AFF3: variants seen among roughly 807,000 people sequenced by gnomAD.
AFF3 encodes ALF transcription elongation factor 3, also known as AF4/FMR2 family member 3.
In AFF3, 32 loss-of-function variants were observed where a neutral mutation model predicts 129.7. The observed-to-expected ratio is 0.25, with a 90% CI of 0.19 to 0.33. The LOEUF (loss-of-function observed/expected upper bound fraction) is 0.33. AFF3 is among the 10% of genes least tolerant of loss of function. AFF3 has a pLI of 1.00. For synonymous variants in AFF3, 644 were observed against 635.4 expected (o/e 1.01, Z -0.20); for missense variants, 1,373 against 1,592.0 (o/e 0.86, Z 2.34).
At chr2:99,708,431 G>A (rs954130034) in intron 11 of AFF3, among the ~76,000 whole-genome samples, 2 of 152,090 alleles carry the variant, frequency 1.3e-5, no homozygotes, top group Non-Finnish European at 2.9e-5. Flanking sequence ...TCCATCCCAG[G>A]TTTCAGGTCT....
chr2:99,893,078 T>C (rs1693691374), intron 7 of AFF3, among the ~76,000 whole-genome samples: 1 of 152,168 alleles, frequency 6.6e-6, no homozygotes, highest in African/African-American at 2.4e-5. Flanking sequence ...CAGATCATTC[T>C]GTGCCCATGA....
intron 2 of AFF3, among the ~76,000 whole-genome samples, chr2:100,119,942 C>G (rs541020762): frequency 4.5e-4 from 68 of 152,306 alleles, no homozygotes; most frequent in African/African-American, 1.5e-3. Context: ...GAGTAGATTA[C>G]GCTTCTAAAG....
At chr2:99,603,903 T>C (rs1397685165) in intron 13 of AFF3, among the ~76,000 whole-genome samples, 2 of 152,144 alleles carry the variant, frequency 1.3e-5, no homozygotes, top group African/African-American at 4.8e-5. Context: ...ATCAGAGAAA[T>C]GCAAATCAAA....
In AFF3 at chr2:99,950,825, C is replaced by T. The variant is rs982279687; in HGVS notation, c.873+55807G>A. ...TGACAAACTCTTGAGAAGCTGAAAA[C>T]GTACTTCCTATGACAAATAAAATCC... is the stretch of plus-strand genomic sequence containing the variant. On this transcript the variant is annotated intron_variant, in intron 7 of 24. Transcript: ENST00000672756. Among the ~76,000 whole-genome samples, 3 of 152,260 alleles carry T rather than the reference C, an allele frequency of 2.0e-5. No individual in the cohort carries two copies. In the South Asian group the frequency reaches 6.2e-4, roughly 32 times the overall value.
chr2:99,716,280 T>C (rs556154049), intron 11 of AFF3, among the ~76,000 whole-genome samples: 1 of 152,314 alleles, frequency 6.6e-6, no homozygotes, highest in South Asian at 2.1e-4. Flanking sequence ...CTTGATCTTC[T>C]TGAGATGGTT....
intron 7 of AFF3, among the ~76,000 whole-genome samples, chr2:99,937,555 C>T (rs564348146): frequency 1.3e-5 from 2 of 152,244 alleles, no homozygotes; most frequent in South Asian, 2.1e-4. Context: ...CCTGCTACCA[C>T]GCCCAGCTAA....
intron 13 of AFF3, among the ~76,000 whole-genome samples, chr2:99,608,448 C>T (rs1043475287): frequency 1.3e-5 from 2 of 152,080 alleles, no homozygotes; most frequent in African/African-American, 4.8e-5. Flanking sequence ...TTTTTCTGTT[C>T]CCTTGGGAAT....
intron 7 of AFF3, among the ~76,000 whole-genome samples, chr2:99,958,877 T>C (rs1189957652): frequency 2.6e-5 from 4 of 151,320 alleles, no homozygotes; most frequent in Admixed American, 2.6e-4. Flanking sequence ...CTTTGGGAGG[T>C]TGAGGCAGGA....
At chr2:100,058,028 C>A (rs1248968566) in intron 4 of AFF3, among the ~76,000 whole-genome samples, 5 of 151,878 alleles carry the variant, frequency 3.3e-5, no homozygotes, top group African/African-American at 1.2e-4. Flanking sequence ...AAGGACTGAC[C>A]CAAGGCATAT....
intron 7 of AFF3, among the ~76,000 whole-genome samples, chr2:99,932,387 T>A (rs917643492): frequency 6.6e-6 from 1 of 152,196 alleles, no homozygotes; most frequent in Admixed American, 6.5e-5. Flanking sequence ...AAGCTATTTC[T>A]CCTCATTCCA....
chr2:99,947,653 T>TAGATAGATAGATAGATAGAC, intron 7 of AFF3, among the ~76,000 whole-genome samples: 1 of 123,284 alleles, frequency 8.1e-6, no homozygotes, highest in Admixed American at 8.4e-5. Context: ...GATAGATAGA[T>TAGATAGATAGATAGATAGAC]AGACAGACAG....
chr2:100,117,385 G>A lies in AFF3; in HGVS notation c.-144-11802C>T, dbSNP rs552111118. On this transcript the variant is annotated intron_variant, in intron 2 of 24. Coordinates refer to ENST00000672756, the MANE Select transcript of AFF3 (RefSeq NM_001386135.1). ...TTCTAATGTGTCTTCCAGTCAACTA[G>A]TTTCTTCTTCAGCTTTATGTCATCT... 2.0e-5 allele frequency among the ~76,000 whole-genome samples: 3 copies of A among 152,246 alleles called. No individual in the cohort carries two copies. The South Asian group carries it at 6.2e-4, about 32-fold the overall frequency.
At position 99,584,243 on chromosome 2, in the gene AFF3, G is replaced by A. The variant is rs183257727; in HGVS notation, c.2592-1244C>T. ...AGCACTTTGGGAGGCCAAGGTGGGC[G>A]TATCACTTGAGGTCGGGAGTTCGAG... On this transcript the variant is annotated intron_variant, in intron 16 of 24. Coordinates refer to ENST00000672756, the MANE Select transcript of AFF3 (RefSeq NM_001386135.1). 7.8e-3 allele frequency among the ~76,000 whole-genome samples: 1,179 copies of A among 151,616 alleles called. 9 individuals carry two copies. The highest frequency in any genetic ancestry group is 0.026 in the African/African-American group (1,078 of 41,376).
chr2:99,742,619 G>T (rs879835597), intron 10 of AFF3, among the ~76,000 whole-genome samples: 1 of 152,186 alleles, frequency 6.6e-6, no homozygotes, highest in East Asian at 1.9e-4. Flanking sequence ...GCAGCTTTCT[G>T]GGAATCAACA....
Position 100,105,986 on chromosome 2 carries a change from G to A in AFF3, c.-144-403C>T, listed in dbSNP as rs1490092453. 2.3e-6 allele frequency: 3 copies of A among 1,325,538 alleles called. No homozygotes were observed. The East Asian group carries it at 1.3e-4, about 59-fold the overall frequency. 82.1% of individuals were successfully genotyped at this position (1,325,538 alleles called of 1,614,324 possible). On this transcript the variant is annotated intron_variant, in intron 2 of 24. Transcript: ENST00000672756. ...CCAGAAATGTAAACCCTGGGTGCAA[G>A]TGACGGGATCCCTCCAGCGTCAAGC...
At chr2:99,804,309 C>T (rs572054356) in intron 8 of AFF3, among the ~76,000 whole-genome samples, 40 of 152,070 alleles carry the variant, frequency 2.6e-4, no homozygotes, top group Admixed American at 1.5e-3. Flanking sequence ...AGAAGATACA[C>T]AAATGGCCAA....
intron 7 of AFF3, among the ~76,000 whole-genome samples, chr2:99,884,957 G>A (rs896263340): frequency 2.0e-5 from 3 of 152,072 alleles, no homozygotes; most frequent in African/African-American, 4.8e-5. Context: ...AGCCAGAAAT[G>A]TCTCCCATAT....
At chr2:99,871,630 A>G (rs1691871697) in intron 7 of AFF3, among the ~76,000 whole-genome samples, 1 of 152,194 alleles carries the variant, frequency 6.6e-6, no homozygotes, top group Non-Finnish European at 1.5e-5. Flanking sequence ...TGAGAAATAA[A>G]TGATAAAAGT....
Position 99,705,039 on chromosome 2 carries a change from A to G in AFF3, c.1091+22038T>C, listed in dbSNP as rs932109642. ...GACCCAAGGCTGAACCCTGGTAGGA[A>G]TATCAAGAGGATATAGTAGGATGGC... On this transcript the variant is annotated intron_variant, in intron 11 of 24. Coordinates refer to ENST00000672756, the MANE Select transcript of AFF3 (RefSeq NM_001386135.1). 3.3e-5 allele frequency among the ~76,000 whole-genome samples: 5 copies of G among 152,350 alleles called. No individual in the cohort carries two copies. The Middle Eastern group carries it at 0.01, about 311-fold the overall frequency.
Sources: allele counts gnomAD v4.1 joint callset (sites outside exome capture counted in the v4.1 genomes callset), GRCh38; gene constraint gnomAD v4.1.1; transcripts MANE v1.5; gene names NCBI Gene and HGNC (gene_info 2026-07-23, HGNC 2026-07-21).